Variants in CXCL13 observed in about 807,000 individuals in gnomAD.
The protein encoded by CXCL13 is C-X-C motif chemokine ligand 13, also known as C-X-C motif chemokine 13.
CXCL13 carries 7 observed loss-of-function variants against 12.2 expected under a neutral mutation model. The observed-to-expected ratio is 0.57, with a 90% CI of 0.33 to 1.07. The LOEUF (loss-of-function observed/expected upper bound fraction) is 1.07. CXCL13 is among the 50% of genes least tolerant of loss of function. CXCL13 has a pLI of 0.04. For synonymous variants in CXCL13, 47 were observed against 42.4 expected (o/e 1.11, Z -0.42); for missense variants, 113 against 127.4 (o/e 0.89, Z 0.55).
intron 1 of CXCL13, among the ~76,000 whole-genome samples, chr4:77,586,292 C>T (rs1726456679): frequency 6.6e-6 from 1 of 151,718 alleles, no homozygotes; most frequent in African/African-American, 2.4e-5. Context: ...CAAAGGGACA[C>T]AATGAAATCA....
chr4:77,546,376 C>T (rs758002049), intron 1 of CXCL13, among the ~76,000 whole-genome samples: 5 of 152,154 alleles, frequency 3.3e-5, no homozygotes, highest in Non-Finnish European at 7.4e-5. Context: ...TCTGCCTGGT[C>T]CTGGACTTTT....
intron 1 of CXCL13, among the ~76,000 whole-genome samples, chr4:77,532,441 G>A (rs1724951193): frequency 1.3e-5 from 2 of 152,138 alleles, no homozygotes; most frequent in African/African-American, 4.8e-5. Context: ...GCTTCCCTTT[G>A]TGGGTAACCT....
intron 1 of CXCL13, among the ~76,000 whole-genome samples, chr4:77,512,939 C>T (rs1560510872): frequency 6.6e-6 from 1 of 152,062 alleles, no homozygotes; most frequent in Non-Finnish European, 1.5e-5. Context: ...TCCCCCAACC[C>T]CACGACAGGC....
At chr4:77,516,017 A>C (rs1724408314) in intron 1 of CXCL13, among the ~76,000 whole-genome samples, 1 of 152,222 alleles carries the variant, frequency 6.6e-6, no homozygotes, top group Non-Finnish European at 1.5e-5. Context: ...TTTAGCGTGA[A>C]GTGCTGTTGA....
chr4:77,530,944 G>C (rs1293763014), intron 1 of CXCL13, among the ~76,000 whole-genome samples: 2 of 151,696 alleles, frequency 1.3e-5, no homozygotes, highest in South Asian at 4.2e-4. Context: ...ACACTGCTTT[G>C]AATGTGTCCC....
chr4:77,548,823 C>T (rs1036772982), intron 1 of CXCL13, among the ~76,000 whole-genome samples: 1 of 151,948 alleles, frequency 6.6e-6, no homozygotes, highest in African/African-American at 2.4e-5. Flanking sequence ...TTGGAGTTGC[C>T]CTTCTCAAGG....
chr4:77,515,044 C>T (rs1396237009), intron 1 of CXCL13, among the ~76,000 whole-genome samples: 2 of 152,134 alleles, frequency 1.3e-5, no homozygotes, highest in Non-Finnish European at 2.9e-5. Flanking sequence ...GTTTTCCCAG[C>T]ACCATTTATT....
At chr4:77,599,454 T>C (rs1460024750) in intron 1 of CXCL13, among the ~76,000 whole-genome samples, 2 of 152,236 alleles carry the variant, frequency 1.3e-5, no homozygotes, top group Admixed American at 6.5e-5. Context: ...GACATGGTCC[T>C]TTTTAAAATA....
At chr4:77,604,305 T>C (rs1386819926), upstream of CXCL13, among the ~76,000 whole-genome samples, 3 of 152,134 alleles carry the variant, frequency 2.0e-5, no homozygotes, top group Non-Finnish European at 4.4e-5. Context: ...CAGATCAGCA[T>C]TGCAATCTGA....
intron 2 of CXCL13, among the ~76,000 whole-genome samples, chr4:77,609,060 A>G (rs1727084886): frequency 6.6e-6 from 1 of 152,230 alleles, no homozygotes; most frequent in African/African-American, 2.4e-5. Flanking sequence ...ATTGTGAGAA[A>G]TTCATGCCAG....
At chr4:77,569,139 C>A (rs772448381) in intron 1 of CXCL13, among the ~76,000 whole-genome samples, 3 of 152,174 alleles carry the variant, frequency 2.0e-5, no homozygotes, top group Non-Finnish European at 2.9e-5. Context: ...ACATCTATGA[C>A]AAACCCACAG....
At chr4:77,532,312 G>A (rs922981137) in intron 1 of CXCL13, among the ~76,000 whole-genome samples, 2 of 152,114 alleles carry the variant, frequency 1.3e-5, no homozygotes, top group South Asian at 2.1e-4. Context: ...ATGAAGCTTA[G>A]TTTGGCTGGA....
intron 1 of CXCL13, 40 bp downstream of exon 1, chr4:77,605,969 A>C (rs1726994745): frequency 6.9e-7 from 1 of 1,455,230 alleles, no homozygotes; most frequent in South Asian, 1.2e-5. Flanking sequence ...TGTTGAACAG[A>C]AATAGTCTTT....
chr4:77,555,439 A>C (rs996965370), intron 1 of CXCL13, among the ~76,000 whole-genome samples: 14 of 152,090 alleles, frequency 9.2e-5, no homozygotes, highest in Non-Finnish European at 2.9e-5. Context: ...TTTTTCATTA[A>C]ATAGTGCTTG....
chr4:77,526,168 G>T (rs934691544), intron 1 of CXCL13, among the ~76,000 whole-genome samples: 7 of 151,894 alleles, frequency 4.6e-5, no homozygotes, highest in African/African-American at 1.4e-4. Flanking sequence ...TCATAAAATT[G>T]TTCCTAGGCA....
intron 1 of CXCL13, among the ~76,000 whole-genome samples, chr4:77,553,396 A>G (rs557223870): frequency 1.3e-5 from 2 of 152,374 alleles, no homozygotes; most frequent in Non-Finnish European, 2.9e-5. Context: ...TGCCTGGGTT[A>G]AAAATGGTGT....
intron 2 of CXCL13, among the ~76,000 whole-genome samples, chr4:77,608,526 C>T (rs1158684516): frequency 1.3e-5 from 2 of 152,206 alleles, no homozygotes; most frequent in East Asian, 3.9e-4. Context: ...CTTTGCGACA[C>T]CTTGAAGTAT....
intron 1 of CXCL13, among the ~76,000 whole-genome samples, chr4:77,533,742 C>T (rs1011383465): frequency 6.6e-6 from 1 of 152,136 alleles, no homozygotes; most frequent in Non-Finnish European, 1.5e-5. Context: ...GGCGGGCACC[C>T]CTCCCCCAGC....
At chr4:77,585,142 A>T (rs1352021662) in intron 1 of CXCL13, among the ~76,000 whole-genome samples, 3 of 152,162 alleles carry the variant, frequency 2.0e-5, no homozygotes, top group Non-Finnish European at 4.4e-5. Context: ...GAATCCCATC[A>T]GGCCACTGGA....
Sources: gnomAD v4.1 joint callset for allele counts (sites outside exome capture counted in the v4.1 genomes callset) on GRCh38, gnomAD v4.1.1 for gene constraint, MANE v1.5 for transcripts, NCBI Gene and HGNC (gene_info 2026-07-23, HGNC 2026-07-21) for gene names.